The following HIF1A variants were observed in gnomAD, a reference collection of about 807,000 sequenced individuals.
The protein encoded by HIF1A is hypoxia inducible factor 1 subunit alpha.
In HIF1A, 24 loss-of-function variants were observed where a neutral mutation model predicts 92.7. That is an observed-to-expected ratio of 0.26 (90% CI 0.19 to 0.36). The LOEUF (loss-of-function observed/expected upper bound fraction) is 0.36. Ranked by LOEUF, HIF1A falls within the 10% of genes least tolerant of loss-of-function variation. The probability of loss-of-function intolerance (pLI) is 1.00; values close to 1 mark genes in which losing one functional copy is unlikely to be tolerated. For synonymous variants in HIF1A, 319 were observed against 338.7 expected, an observed-to-expected ratio of 0.94 and a Z score of 0.64; for missense variants, 799 against 998.5, an observed-to-expected ratio of 0.80 and a Z score of 2.69.
intron 5 of HIF1A, 57 bp downstream of exon 5, chr14:61,726,875 G>T: frequency 1.0e-6 from 1 of 963,920 alleles, no homozygotes; most frequent in Non-Finnish European, 1.6e-6. Flanking sequence ...AGACATTGTA[G>T]TATTAAGATA....
At chr14:61,729,103 A>G (rs1341344732) in intron 6 of HIF1A, among the ~76,000 whole-genome samples, 1 of 152,188 alleles carries the variant, frequency 6.6e-6, no homozygotes, top group African/African-American at 2.4e-5. Context: ...TGCAGCTCTG[A>G]TACTTACAAT....
At position 61,727,772 on chromosome 14, in the gene HIF1A, C is replaced by T. The variant is rs1044364550; in HGVS notation, c.773+117C>T. 5.1e-6 allele frequency: 4 copies of T among 777,818 alleles called. No homozygotes were observed. The South Asian group carries it at 6.3e-5, about 12-fold the overall frequency. The allele number at this position is 777,818 out of a possible 1,614,324, so 48.2% of individuals were successfully genotyped here. ...GCATGGTGGCTCACACCTGTAATCC[C>T]AGCACTTTGGAAGGCTGAGGCAAGC... is the stretch of plus-strand genomic sequence containing the variant. On this transcript the variant is annotated intron_variant, in intron 6 of 14. Transcript: ENST00000337138.
chr14:61,699,451 C>G (rs970132780), intron 1 of HIF1A, among the ~76,000 whole-genome samples: 1 of 83,956 alleles, frequency 1.2e-5, no homozygotes, highest in Non-Finnish European at 2.4e-5. Flanking sequence ...TATTTAGTCT[C>G]TTGACTGATT....
rs113527155 is a variant in HIF1A, at chr14:61,706,075, CCTT to C, written c.35+10240_35+10242del. On this transcript the variant is annotated intron_variant, in intron 1 of 14. Transcript: ENST00000337138. ...TACACACAAAGTTTAGGGTCACTGACCTTCTTAGGTTCTAGTCTTAGATCTGTT... is the reference window on the plus strand; with the variant it reads ...TACACACAAAGTTTAGGGTCACTGACCTTAGGTTCTAGTCTTAGATCTGTT... Among the ~76,000 whole-genome samples, 900 of 152,166 alleles carry C rather than the reference CCTT, an allele frequency of 5.9e-3. 13 individuals are homozygous for C. The highest frequency in any genetic ancestry group is 0.02 in the African/African-American group (836 of 41,526).
Position 61,727,774 on chromosome 14 carries a change from G to A in HIF1A, c.773+119G>A, listed in dbSNP as rs566731391. 1.5e-4 allele frequency: 116 copies of A among 768,896 alleles called. No individual in the cohort carries two copies. In the African/African-American group the frequency reaches 1.8e-3, roughly 12 times the overall value. The allele number at this position is 768,896 out of a possible 1,614,324, so 47.6% of individuals were successfully genotyped here. ...ATGGTGGCTCACACCTGTAATCCCA[G>A]CACTTTGGAAGGCTGAGGCAAGCGG... On this transcript the variant is annotated intron_variant, in intron 6 of 14. Transcript: ENST00000337138.
intron 1 of HIF1A, among the ~76,000 whole-genome samples, chr14:61,709,052 C>T (rs1449596607): frequency 6.6e-6 from 1 of 152,122 alleles, no homozygotes; most frequent in Non-Finnish European, 1.5e-5. Flanking sequence ...CACGTGGCAA[C>T]ATGCCTAGCT....
chr14:61,705,270 C>T (rs2044226281), intron 1 of HIF1A, among the ~76,000 whole-genome samples: 1 of 152,090 alleles, frequency 6.6e-6, no homozygotes, highest in Non-Finnish European at 1.5e-5. Flanking sequence ...CAGCCTCAAA[C>T]ACAGAAGGCT....
chr14:61,734,111 C>G (rs1445288182), intron 7 of HIF1A, 27 bp from the exon 8 acceptor site: 3 of 1,461,564 alleles, frequency 2.1e-6, no homozygotes, highest in Admixed American at 2.4e-5. Flanking sequence ...ATTTTCTCTG[C>G]ATGATTCTTT....
Position 61,738,122 on chromosome 14 carries a change from C to CCAT in HIF1A, c.1286_1288dup (p.Pro429_Leu430insSer). ...TGATGACCAGCAACTTGAGGAAGTA[C>CCAT]CATTATATAATGATGTAATGCTCCC... is the stretch of plus-strand genomic sequence containing the variant. On this transcript the variant is annotated inframe_insertion, in exon 10 of 15. Transcript: ENST00000337138. The CCAT allele has an allele frequency of 2.5e-6, 4 of 1,611,150 alleles. 1 individual carries two copies. The South Asian group carries it at 4.4e-5, about 18-fold the overall frequency.
At chr14:61,724,014 A>T (rs1957756) in intron 4 of HIF1A, among the ~76,000 whole-genome samples, 143,446 of 152,168 alleles carry the variant, frequency 0.94, 68,105 homozygotes, top group Non-Finnish European at 1. Context: ...CTATTTTCCA[A>T]ATAAATTCTA....
In HIF1A at chr14:61,702,439, CAAA is replaced by C. The variant is rs149442775; in HGVS notation, c.35+6616_35+6618del. Among the ~76,000 whole-genome samples, 22 of 78,804 alleles carry C rather than the reference CAAA, an allele frequency of 2.8e-4. 1 individual carries two copies. The South Asian group carries it at 5.8e-3, about 21-fold the overall frequency. The allele number at this position is 78,804 out of a possible 152,430, so 51.7% of individuals were successfully genotyped here. ...TGATGACAGTGTGAGATGCTGTCTC[CAAA>C]AAAAAAAAAAAAAAATTAAAAAGAA... On this transcript the variant is annotated intron_variant, in intron 1 of 14. Coordinates refer to ENST00000337138, the MANE Select transcript of HIF1A (RefSeq NM_001530.4).
intron 8 of HIF1A, among the ~76,000 whole-genome samples, chr14:61,735,700 A>AT (rs1318051295): frequency 1.3e-5 from 2 of 152,244 alleles, no homozygotes; most frequent in African/African-American, 4.8e-5. Flanking sequence ...AAGATAAACT[A>AT]TTGCTCATCA....
At position 61,695,530 on chromosome 14, in the gene HIF1A, C is replaced by A; in HGVS notation, c.-275C>A. On this transcript the variant is annotated 5_prime_UTR_variant, in exon 1 of 15. Coordinates refer to ENST00000337138, the MANE Select transcript of HIF1A (RefSeq NM_001530.4). ...AGCTCCTCAGTGCACAGTGCTGCCT[C>A]GTCTGAGGGGACAGGAGGATCACCC... is the stretch of plus-strand genomic sequence containing the variant. The A allele has an allele frequency of 1.8e-6, 1 of 546,960 alleles. No homozygotes were observed. Among genetic ancestry groups the A allele is most frequent in the Non-Finnish European group, 3.2e-6 (1 of 309,002 alleles). The allele number at this position is 546,960 out of a possible 1,614,324, so 33.9% of individuals were successfully genotyped here. A position where few individuals can be genotyped will look rare whatever the true frequency, so the allele number is the denominator to read the frequency against.
chr14:61,744,916 TAA>T, intron 13 of HIF1A, 103 bp downstream of exon 13: 1 of 525,162 alleles, frequency 1.9e-6, no homozygotes, highest in Non-Finnish European at 3.4e-6. Context: ...TTCCAAATAG[TAA>T]AGTTATATTT....
rs372535797 is a variant in HIF1A at position 61,732,481 on chromosome 14, T to C, written c.837T>C (p.Tyr279=). 2.5e-6 allele frequency: 4 copies of C among 1,611,380 alleles called. No homozygotes were observed. The highest frequency in any genetic ancestry group is 3.4e-6 in the Non-Finnish European group (4 of 1,177,768). Residue 279 remains tyrosine, a synonymous_variant, in exon 7 of 15, where the codon TAT becomes TAC. Transcript: ENST00000337138. ...TAGGCCGCTCAATTTATGAATATTA[T>C]CATGCTTTGGACTCTGATCATCTGA... The part of the protein sequence containing the change: ...ELLGRSIYEY[Y]HALDSDHLTK...
Position 61,695,544 on chromosome 14 carries a change from G to A in HIF1A, c.-261G>A, listed in dbSNP as rs950347662. The A allele has an allele frequency of 1.2e-5, 7 of 568,368 alleles. No individual in the cohort carries two copies. The highest frequency in any genetic ancestry group is 8.4e-5 in the South Asian group (4 of 47,398). 35.2% of individuals were successfully genotyped at this position (568,368 alleles called of 1,614,324 possible). On this transcript the variant is annotated 5_prime_UTR_variant, in exon 1 of 15. Transcript: ENST00000337138. ...CAGTGCTGCCTCGTCTGAGGGGACA[G>A]GAGGATCACCCTCTTCGTCGCTTCG... is the stretch of plus-strand genomic sequence containing the variant.
chr14:61,712,847 G>C (rs2044322874), intron 1 of HIF1A, among the ~76,000 whole-genome samples: 1 of 151,068 alleles, frequency 6.6e-6, no homozygotes, highest in Admixed American at 6.6e-5. Flanking sequence ...AGATGAATGT[G>C]TGACAGTTTC....
intron 1 of HIF1A, among the ~76,000 whole-genome samples, chr14:61,719,674 T>G (rs1201001274): frequency 6.6e-6 from 1 of 152,202 alleles, no homozygotes; most frequent in Non-Finnish European, 1.5e-5. Context: ...ATTGACACCT[T>G]TATTTTTGCT....
chr14:61,746,129 C>A (rs2140162917), intron 14 of HIF1A, among the ~76,000 whole-genome samples: 1 of 148,886 alleles, frequency 6.7e-6, no homozygotes, highest in South Asian at 2.1e-4. Context: ...GAGGCTGAGG[C>A]ATGAGAATTG....
Sources: gnomAD v4.1 joint callset for allele counts (sites outside exome capture counted in the v4.1 genomes callset) on GRCh38, gnomAD v4.1.1 for gene constraint, MANE v1.5 for transcripts, NCBI Gene and HGNC (gene_info 2026-07-23, HGNC 2026-07-21) for gene names.